The following TNRC18 variants were observed in gnomAD, a reference collection of about 807,000 sequenced individuals.
TNRC18 encodes trinucleotide repeat containing 18.
Under a neutral mutation model 226.7 loss-of-function variants are expected in TNRC18, and 69 were observed. That is an observed-to-expected ratio of 0.30 (90% CI 0.25 to 0.37). The LOEUF (loss-of-function observed/expected upper bound fraction) is 0.37, where lower values mean the gene tolerates loss of function less well. Ranked by LOEUF, TNRC18 falls within the 10% of genes least tolerant of loss-of-function variation. TNRC18 has a pLI of 1.00. For missense variants in TNRC18, 4,754 were observed against 4,256.6 expected (o/e 1.12, Z -3.25); for synonymous variants, 2,449 against 1,927.6 (o/e 1.27, Z -7.09).
chr7:5,386,063 G>C (rs1779765002), intron 5 of TNRC18, among the ~76,000 whole-genome samples: 1 of 151,616 alleles, frequency 6.6e-6, no homozygotes, highest in African/African-American at 2.4e-5. Context: ...GAGGCGGGTG[G>C]ATCACTTGAG....
intron 17 of TNRC18, among the ~76,000 whole-genome samples, chr7:5,348,648 G>C (rs1791456919): frequency 6.7e-6 from 1 of 150,086 alleles, no homozygotes; most frequent in African/African-American, 2.4e-5. Context: ...CAGAGGAGTA[G>C]AGGGAGGGAG....
chr7:5,338,670 C>A (rs1490545054), intron 18 of TNRC18, among the ~76,000 whole-genome samples: 6 of 150,468 alleles, frequency 4.0e-5, no homozygotes, highest in Non-Finnish European at 7.4e-5. Flanking sequence ...CCTGTAATCC[C>A]AGCATTTTGG....
chr7:5,310,215 T>TA (rs199881327), intron 27 of TNRC18, among the ~76,000 whole-genome samples: 6,311 of 152,120 alleles, frequency 0.041, 444 homozygotes, highest in African/African-American at 0.14. Context: ...TTTTATCTTT[T>TA]AAAAAATAGT....
intron 2 of TNRC18, among the ~76,000 whole-genome samples, chr7:5,403,039 C>T (rs1338553416): frequency 1.3e-5 from 2 of 152,072 alleles, no homozygotes; most frequent in African/African-American, 4.8e-5. Context: ...GGCTCTCACT[C>T]CCAAACCTAC....
In TNRC18 at chr7:5,385,510, A is replaced by AG. The variant is rs1310752954; in HGVS notation, c.2152+2161_2152+2162insC. 7.1e-4 allele frequency among the ~76,000 whole-genome samples: 105 copies of AG among 147,978 alleles called. 1 individual carries two copies. The East Asian group carries it at 0.019, about 27-fold the overall frequency. On this transcript the variant is annotated intron_variant, in intron 5 of 29. Coordinates refer to ENST00000430969, the MANE Select transcript of TNRC18 (RefSeq NM_001080495.3). ...ACTCCGTCTCAAAAAAAAAAAAAAA[A>AG]AAAAAAAGAAAAAAAAATACAAAAT...
At chr7:5,406,865 A>C (rs930336773) in intron 2 of TNRC18, among the ~76,000 whole-genome samples, 5 of 151,574 alleles carry the variant, frequency 3.3e-5, no homozygotes, top group Non-Finnish European at 5.9e-5. Flanking sequence ...AAAAAAAAGA[A>C]AGAAAGAAAA....
At chr7:5,396,347 CA>C (rs921126760) in intron 2 of TNRC18, among the ~76,000 whole-genome samples, 9 of 149,202 alleles carry the variant, frequency 6.0e-5, no homozygotes, top group Admixed American at 1.3e-4. Context: ...GACTCCGTCT[CA>C]AAAAAAAACA....
In TNRC18 at chr7:5,324,111, C is replaced by G; in HGVS notation, c.6442+103G>C. 1 of 1,317,650 alleles carries G rather than the reference C, an allele frequency of 7.6e-7. No individual in the cohort carries two copies. Among genetic ancestry groups the G allele is most frequent in the Non-Finnish European group, 1.0e-6 (1 of 978,222 alleles). 81.6% of individuals were successfully genotyped at this position (1,317,650 alleles called of 1,614,324 possible). On this transcript the variant is annotated intron_variant, in intron 21 of 29. Transcript: ENST00000430969. This position sits in a 1 kb window ranked among gnomAD's most constrained non-coding sequence, Gnocchi z 4.8. ...TCTCTGCTCCTGTGGTTCCCTGCCC[C>G]CAGCTAGCCCAGCCCTTCAGTCTCA...
At chr7:5,347,867 A>T (rs1791363537) in intron 17 of TNRC18, among the ~76,000 whole-genome samples, 1 of 151,598 alleles carries the variant, frequency 6.6e-6, no homozygotes. Context: ...AGGCAGAAGA[A>T]TCACTTGAAC....
rs772940258 is a variant in TNRC18 at position 5,388,198 on chromosome 7, G to C, written c.1626C>G (p.Val542=). The change falls in exon 5 of 30, where the codon GTC becomes GTG. Residue 542 remains valine (V), a synonymous_variant. Transcript: ENST00000430969. ...AGGCCTTCTTGGAGGAGGAGGCAGC[G>C]ACCACGGCGGCCTCCTCTTCGGCGC... ...HSRAEEEAAV[V]AASSSKKAYL... 2 of 1,592,922 alleles carry C rather than the reference G, an allele frequency of 1.3e-6. No homozygotes were observed. Among genetic ancestry groups the C allele is most frequent in the African/African-American group, 1.3e-5 (1 of 74,552 alleles).
chr7:5,376,249 G>A lies in TNRC18; in HGVS notation c.2609-25C>T, dbSNP rs148884872. ...GCTGCAGGGACAGAGACAGTGCGCTGCACCTGCGGCCTGATGCTCCACCAC... is the reference window on the plus strand; with the variant it reads ...GCTGCAGGGACAGAGACAGTGCGCTACACCTGCGGCCTGATGCTCCACCAC... On this transcript the variant is annotated intron_variant, in intron 8 of 29. Transcript: ENST00000430969. 1.1e-4 allele frequency: 158 copies of A among 1,445,648 alleles called. No homozygotes were observed. In the East Asian group the frequency reaches 2.5e-3, roughly 23 times the overall value. 89.6% of individuals were successfully genotyped at this position (1,445,648 alleles called of 1,614,324 possible).
In TNRC18 at chr7:5,377,336, C is replaced by CACAA; in HGVS notation, c.2461+34_2461+35insTTGT. 8.6e-7 allele frequency: 1 copy of CACAA among 1,156,914 alleles called. No individual in the cohort carries two copies. The highest frequency in any genetic ancestry group is 1.2e-6 in the Non-Finnish European group (1 of 824,280). 71.7% of individuals were successfully genotyped at this position (1,156,914 alleles called of 1,614,324 possible). A position where few individuals can be genotyped will look rare whatever the true frequency, so the allele number is the denominator to read the frequency against. ...CACCCGCCCCCTCCCACCCCTCCCT[C>CACAA]AGAGAAGGGGAGAGACCCTGTGCCC... On this transcript the variant is annotated intron_variant, in intron 7 of 29. Transcript: ENST00000430969. This position sits in a 1 kb window ranked among gnomAD's most constrained non-coding sequence, Gnocchi z 5.8.
Position 5,307,531 on chromosome 7 carries a change from C to T in TNRC18, c.*575G>A, listed in dbSNP as rs1464796529. ...TTTGACAGACACTCCGGGCTGCAAC[C>T]CCACCCGGCTCTGTTCCCCAAGTCT... On this transcript the variant is annotated 3_prime_UTR_variant, in exon 30 of 30. Coordinates refer to ENST00000430969, the MANE Select transcript of TNRC18 (RefSeq NM_001080495.3). The T allele has an allele frequency of 4.5e-6, 2 of 448,904 alleles. No homozygotes were observed. Among genetic ancestry groups the T allele is most frequent in the South Asian group, 3.2e-5 (2 of 63,182 alleles). The allele number at this position is 448,904 out of a possible 1,614,324, so 27.8% of individuals were successfully genotyped here.
In TNRC18 at chr7:5,324,117, A is replaced by G; in HGVS notation, c.6442+97T>C. The G allele has an allele frequency of 7.4e-7, 1 of 1,359,974 alleles. No homozygotes were observed. The highest frequency in any genetic ancestry group is 9.9e-7 in the Non-Finnish European group (1 of 1,012,954). 84.2% of individuals were successfully genotyped at this position (1,359,974 alleles called of 1,614,324 possible). ...CTCCTGTGGTTCCCTGCCCCCAGCT[A>G]GCCCAGCCCTTCAGTCTCAAGCCTT... On this transcript the variant is annotated intron_variant, in intron 21 of 29. Transcript: ENST00000430969. The surrounding 1 kb of genome is among the most constrained non-coding windows in gnomAD (Gnocchi z 4.8).
intron 2 of TNRC18, among the ~76,000 whole-genome samples, chr7:5,403,182 G>C (rs1466779747): frequency 6.9e-6 from 1 of 144,800 alleles, no homozygotes; most frequent in Non-Finnish European, 1.5e-5. Context: ...TTTTTTTTGA[G>C]ACAGAGTTTC....
At chr7:5,404,556 G>A (rs1415890080) in intron 2 of TNRC18, among the ~76,000 whole-genome samples, 2 of 152,068 alleles carry the variant, frequency 1.3e-5, no homozygotes, top group Non-Finnish European at 2.9e-5. Context: ...TGCCCGGGAA[G>A]GATGAGAACT....
At chr7:5,373,911 T>C (rs1406485700) in intron 10 of TNRC18, 144 bp downstream of exon 10, 4 of 585,834 alleles carry the variant, frequency 6.8e-6, no homozygotes, top group African/African-American at 5.9e-5. Flanking sequence ...TTTGTCTCAG[T>C]GTCTGGCGGC....
chr7:5,376,340 T>C (rs1794675408), intron 8 of TNRC18, 116 bp from the exon 9 acceptor site: 3 of 963,414 alleles, frequency 3.1e-6, no homozygotes, highest in Non-Finnish European at 4.4e-6. Flanking sequence ...GGAGCTGGGC[T>C]CTCTGCGGGC....
intron 11 of TNRC18, among the ~76,000 whole-genome samples, chr7:5,368,063 A>AAAAG (rs397768435): frequency 6.6e-6 from 1 of 151,780 alleles, no homozygotes. Context: ...AAAAAAAAAA[A>AAAAG]CAACTTTGTT....
Sources: allele counts gnomAD v4.1 joint callset (sites outside exome capture counted in the v4.1 genomes callset), GRCh38; gene constraint gnomAD v4.1.1; non-coding constraint Gnocchi (gnomAD v3.1); transcripts MANE v1.5; gene names NCBI Gene and HGNC (gene_info 2026-07-23, HGNC 2026-07-21).